CSMD1: variants seen among roughly 807,000 people sequenced by gnomAD.
CSMD1 encodes CUB and sushi domain-containing protein 1.
Under a neutral mutation model 417.5 loss-of-function variants are expected in CSMD1, and 213 were observed. That is an observed-to-expected ratio of 0.51 (90% CI 0.46 to 0.57). The LOEUF is 0.57. Among genes scored for constraint, CSMD1 ranks in the 20% least tolerant of loss-of-function variants. CSMD1 has a pLI of 0.00. For missense variants in CSMD1, 6,923 were observed against 4,529.7 expected, an observed-to-expected ratio of 1.53 and a Z score of -15.17; for synonymous variants, 2,862 against 1,736.8, an observed-to-expected ratio of 1.65 and a Z score of -16.11.
rs116789684 is a variant in CSMD1 at position 3,747,849 on chromosome 8, T to C, written c.931+6081A>G. ...ATGTGGAATTTCAAGCTGTTTGTTT[T>C]AGTTGCTTTGGGCTGGGGAGGCATT... On this transcript the variant is annotated intron_variant, in intron 6 of 69. Coordinates refer to ENST00000635120, the MANE Select transcript of CSMD1 (RefSeq NM_033225.6). 8.1e-3 allele frequency among the ~76,000 whole-genome samples: 1,239 copies of C among 152,320 alleles called. 22 individuals carry two copies. The highest frequency in any genetic ancestry group is 0.027 in the African/African-American group (1,108 of 41,570).
At chr8:3,183,400 G>A (rs185087040) in intron 36 of CSMD1, among the ~76,000 whole-genome samples, 1 of 144,954 alleles carries the variant, frequency 6.9e-6, no homozygotes, top group Non-Finnish European at 1.5e-5. Flanking sequence ...CGAACTGAAC[G>A]CCTAATCTAT....
At chr8:3,617,377 T>C (rs1407010402) in intron 7 of CSMD1, among the ~76,000 whole-genome samples, 1 of 152,210 alleles carries the variant, frequency 6.6e-6, no homozygotes, top group East Asian at 1.9e-4. Flanking sequence ...CAGAATAATT[T>C]CTAAAGAACT....
At chr8:4,838,851 C>G (rs1269352018) in intron 1 of CSMD1, among the ~76,000 whole-genome samples, 1 of 152,214 alleles carries the variant, frequency 6.6e-6, no homozygotes, top group Non-Finnish European at 1.5e-5. Flanking sequence ...TCTTGTTTCT[C>G]TTGCTCTATC....
chr8:3,814,230 T>C (rs1415217976), intron 5 of CSMD1, among the ~76,000 whole-genome samples: 6 of 152,176 alleles, frequency 3.9e-5, no homozygotes, highest in African/African-American at 1.4e-4. Flanking sequence ...TCGTCTGCAT[T>C]CTGAATAGAA....
chr8:3,018,346 G>T, intron 52 of CSMD1, 131 bp downstream of exon 52: 1 of 748,374 alleles, frequency 1.3e-6, no homozygotes. Context: ...AAATCACACT[G>T]GGAGGTGCAG....
In CSMD1 at chr8:4,425,394, A is replaced by C. The variant is rs572255062; in HGVS notation, c.303-5329T>G. 3.9e-4 allele frequency among the ~76,000 whole-genome samples: 59 copies of C among 150,928 alleles called. 1 individual carries two copies. The East Asian group carries it at 0.011, about 27-fold the overall frequency. On this transcript the variant is annotated intron_variant, in intron 2 of 69. Coordinates refer to ENST00000635120, the MANE Select transcript of CSMD1 (RefSeq NM_033225.6). ...ATTTGTGTGCCAAAAAAAAAAAAAAAAAATAGAGTCCAACATTAGTTGACA... is the reference window on the plus strand; with the variant it reads ...ATTTGTGTGCCAAAAAAAAAAAAAACAAATAGAGTCCAACATTAGTTGACA...
chr8:3,695,371 T>G (rs942272474), intron 7 of CSMD1, among the ~76,000 whole-genome samples: 1 of 151,724 alleles, frequency 6.6e-6, no homozygotes, highest in African/African-American at 2.4e-5. Flanking sequence ...AAAAAAATAA[T>G]GACTCAACGT....
Position 4,190,303 on chromosome 8 carries a change from T to G in CSMD1, c.416-158204A>C, listed in dbSNP as rs1798944480. Among the ~76,000 whole-genome samples the G allele has an allele frequency of 2.6e-5, 4 of 151,088 alleles. No homozygotes were observed. In the South Asian group the frequency reaches 8.4e-4, roughly 32 times the overall value. On this transcript the variant is annotated intron_variant, in intron 3 of 69. Transcript: ENST00000635120. ...AGAGACTCTGGGTCTGGTCTAGTTT[T>G]ACTTACATCTAAGCCCTATCACTGA...
chr8:3,437,290 C>T (rs7821384), intron 12 of CSMD1, among the ~76,000 whole-genome samples: 52,262 of 151,966 alleles, frequency 0.34, 10,171 homozygotes, highest in East Asian at 0.68. Flanking sequence ...AATGACGGAG[C>T]GGCTCTCAAC....
At chr8:3,112,871 G>C (rs1267968472) in intron 42 of CSMD1, 1 of 152,196 alleles carries the variant, frequency 6.6e-6, no homozygotes, top group African/African-American at 2.4e-5. Context: ...CCCTCCCACT[G>C]GGTAGTCCAG....
intron 5 of CSMD1, among the ~76,000 whole-genome samples, chr8:3,828,056 GA>G (rs1802155459): frequency 6.6e-6 from 1 of 152,172 alleles, no homozygotes; most frequent in African/African-American, 2.4e-5. Context: ...CCACTTCAAT[GA>G]GCAAAAAGTT....
chr8:4,389,279 G>A (rs540259360), intron 3 of CSMD1, among the ~76,000 whole-genome samples: 79 of 152,212 alleles, frequency 5.2e-4, no homozygotes, highest in African/African-American at 1.8e-3. Flanking sequence ...TACAGAACCA[G>A]GAGAATTAGA....
At chr8:3,226,753 G>A (rs1012203068) in intron 27 of CSMD1, among the ~76,000 whole-genome samples, 28 of 152,052 alleles carry the variant, frequency 1.8e-4, no homozygotes, top group African/African-American at 6.5e-4. Context: ...AAAAGCAACA[G>A]CAATGGCAGG....
At chr8:3,295,910 C>A (rs1803927727) in intron 25 of CSMD1, among the ~76,000 whole-genome samples, 1 of 152,048 alleles carries the variant, frequency 6.6e-6, no homozygotes, top group South Asian at 2.1e-4. Flanking sequence ...CAAGAGTGTA[C>A]TGAGTGCACC....
chr8:4,089,590 C>T (rs888665511), intron 3 of CSMD1, among the ~76,000 whole-genome samples: 7 of 152,192 alleles, frequency 4.6e-5, no homozygotes, highest in Middle Eastern at 6.8e-3. Flanking sequence ...CCTCTTCTCT[C>T]AAAGGTTAAA....
At chr8:3,162,989 T>C (rs1298446693) in intron 37 of CSMD1, among the ~76,000 whole-genome samples, 1 of 152,176 alleles carries the variant, frequency 6.6e-6, no homozygotes, top group Non-Finnish European at 1.5e-5. Flanking sequence ...GTATAAATCC[T>C]TATCATAAGA....
At chr8:3,248,715 C>G (rs893127926) in intron 26 of CSMD1, among the ~76,000 whole-genome samples, 1 of 151,958 alleles carries the variant, frequency 6.6e-6, no homozygotes, top group Non-Finnish European at 1.5e-5. Context: ...CTATTATTTA[C>G]TGCCAAACAG....
chr8:4,493,838 C>A (rs556630662), intron 2 of CSMD1, among the ~76,000 whole-genome samples: 70 of 152,296 alleles, frequency 4.6e-4, no homozygotes, highest in South Asian at 1.9e-3. Flanking sequence ...CAGCAGGACA[C>A]AGTTTTTATT....
In CSMD1 at chr8:4,377,973, G is replaced by A. The variant is rs1802862194; in HGVS notation, c.415+41980C>T. On this transcript the variant is annotated intron_variant, in intron 3 of 69. Coordinates refer to ENST00000635120, the MANE Select transcript of CSMD1 (RefSeq NM_033225.6). ...ATTGATTATAGCAAATGATAGAATT[G>A]TAGTGCTGTCAACAACATTTAAATA... Among the ~76,000 whole-genome samples the A allele has an allele frequency of 2.6e-5, 4 of 152,288 alleles. No individual in the cohort carries two copies. In the South Asian group the frequency reaches 6.2e-4, roughly 24 times the overall value.
Sources: allele counts gnomAD v4.1 joint callset (sites outside exome capture counted in the v4.1 genomes callset), GRCh38; gene constraint gnomAD v4.1.1; transcripts MANE v1.5; gene names NCBI Gene and HGNC (gene_info 2026-07-23, HGNC 2026-07-21).